Variants in RBFOX1 observed in about 807,000 individuals in gnomAD.
RBFOX1 encodes the protein RNA binding protein fox-1 homolog 1.
Under a neutral mutation model 57.7 loss-of-function variants are expected in RBFOX1, and 8 were observed. The observed-to-expected ratio is 0.14, with a 90% CI of 0.08 to 0.25. The LOEUF is 0.25. Among genes scored for constraint, RBFOX1 ranks in the 10% least tolerant of loss-of-function variants. The pLI is 1.00. For synonymous variants in RBFOX1, 326 were observed against 222.4 expected, an observed-to-expected ratio of 1.47 and a Z score of -4.15; for missense variants, 611 against 548.5, an observed-to-expected ratio of 1.11 and a Z score of -1.14.
At chr16:7,496,843 G>A (rs2068831510) in intron 4 of RBFOX1, among the ~76,000 whole-genome samples, 1 of 150,862 alleles carries the variant, frequency 6.6e-6, no homozygotes, top group African/African-American at 2.4e-5. Context: ...TTAAATACAA[G>A]TTTAAAAATT....
chr16:5,645,642 G>T (rs958841898), intron 3 of RBFOX1, among the ~76,000 whole-genome samples: 2 of 152,174 alleles, frequency 1.3e-5, no homozygotes, highest in Non-Finnish European at 2.9e-5. Flanking sequence ...GAAAGATTCT[G>T]TGTGTGCTTT....
intron 1 of RBFOX1, among the ~76,000 whole-genome samples, chr16:6,107,016 C>T (rs984700396): frequency 6.6e-6 from 1 of 152,182 alleles, no homozygotes; most frequent in Non-Finnish European, 1.5e-5. Flanking sequence ...CTGAAGAATG[C>T]CATTTAGAAC....
At chr16:5,880,093 G>T (rs951352261) in intron 4 of RBFOX1, among the ~76,000 whole-genome samples, 2 of 152,176 alleles carry the variant, frequency 1.3e-5, no homozygotes, top group African/African-American at 4.8e-5. Flanking sequence ...TCTCAGTTCT[G>T]TGCTTCACTG....
intron 3 of RBFOX1, among the ~76,000 whole-genome samples, chr16:6,936,062 G>A (rs180998205): frequency 7.2e-5 from 11 of 152,166 alleles, no homozygotes; most frequent in South Asian, 2.1e-4. Flanking sequence ...TTTTGCCTGC[G>A]TCAGGCTGAC....
At chr16:5,865,407 C>G (rs2057322417) in intron 3 of RBFOX1, among the ~76,000 whole-genome samples, 1 of 152,178 alleles carries the variant, frequency 6.6e-6, no homozygotes, top group African/African-American at 2.4e-5. Context: ...ATGAGTTTCC[C>G]CATGGCTGGG....
chr16:7,108,349 C>G (rs2063990375), intron 4 of RBFOX1, among the ~76,000 whole-genome samples: 1 of 152,140 alleles, frequency 6.6e-6, no homozygotes, highest in Admixed American at 6.6e-5. Context: ...ACAGCTTGTC[C>G]TTTGTTTGCT....
chr16:6,258,379 G>T (rs1042497160), intron 1 of RBFOX1, among the ~76,000 whole-genome samples: 7 of 152,120 alleles, frequency 4.6e-5, no homozygotes, highest in African/African-American at 1.7e-4. Flanking sequence ...AGTTCATTGT[G>T]TTTCTAAAAC....
At chr16:7,512,123 G>C (rs149256679) in intron 4 of RBFOX1, among the ~76,000 whole-genome samples, 182 of 152,234 alleles carry the variant, frequency 1.2e-3, no homozygotes, top group African/African-American at 4.2e-3. Flanking sequence ...TGGGGGTTTG[G>C]CATTGGAGTA....
chr16:6,179,874 C>G (rs905061169), intron 1 of RBFOX1, among the ~76,000 whole-genome samples: 2 of 152,142 alleles, frequency 1.3e-5, no homozygotes, highest in Non-Finnish European at 2.9e-5. Flanking sequence ...TGTAGATGCC[C>G]TTTATAAAGT....
At chr16:6,887,332 T>C (rs367856254) in intron 3 of RBFOX1, among the ~76,000 whole-genome samples, 4 of 152,258 alleles carry the variant, frequency 2.6e-5, no homozygotes, top group African/African-American at 7.2e-5. Flanking sequence ...CAGGATGGCA[T>C]TGAGTAAAGT....
intron 2 of RBFOX1, among the ~76,000 whole-genome samples, chr16:5,532,062 G>A (rs935898689): frequency 1.3e-5 from 2 of 152,198 alleles, no homozygotes; most frequent in Non-Finnish European, 2.9e-5. Flanking sequence ...ACCTCCCAAA[G>A]TGCTGGGATT....
intron 1 of RBFOX1, among the ~76,000 whole-genome samples, chr16:5,445,398 C>T (rs2068211643): frequency 1.3e-5 from 2 of 152,228 alleles, no homozygotes; most frequent in South Asian, 4.2e-4. Context: ...CTGTGAGCTC[C>T]CTAAGGGTGG....
At chr16:6,439,051 A>G (rs1482827871) in intron 2 of RBFOX1, among the ~76,000 whole-genome samples, 1 of 152,160 alleles carries the variant, frequency 6.6e-6, no homozygotes, top group Non-Finnish European at 1.5e-5. Context: ...AACTGACCCC[A>G]GTTGAAAATC....
At chr16:5,302,565 G>A (rs1317208287) in intron 1 of RBFOX1, among the ~76,000 whole-genome samples, 1 of 152,144 alleles carries the variant, frequency 6.6e-6, no homozygotes, top group South Asian at 2.1e-4. Flanking sequence ...CAATGAATTT[G>A]TCTTTCAATT....
chr16:6,042,798 C>T (rs1270435622), intron 1 of RBFOX1, among the ~76,000 whole-genome samples: 2 of 152,044 alleles, frequency 1.3e-5, no homozygotes, highest in Admixed American at 1.3e-4. Flanking sequence ...CAAAGAAAGG[C>T]AGGACATCTT....
intron 1 of RBFOX1, among the ~76,000 whole-genome samples, chr16:5,398,029 T>C (rs577386681): frequency 2.0e-5 from 3 of 152,004 alleles, no homozygotes; most frequent in East Asian, 1.9e-4. Context: ...AAGCATTTAA[T>C]TGAATTGTGG....
chr16:5,667,644 T>C (rs978573557), intron 3 of RBFOX1, among the ~76,000 whole-genome samples: 6 of 152,238 alleles, frequency 3.9e-5, no homozygotes, highest in Non-Finnish European at 7.3e-5. Context: ...CTTTGGATTT[T>C]CTTATTTTTC....
At chr16:6,173,232 G>A (rs2096975268) in intron 1 of RBFOX1, among the ~76,000 whole-genome samples, 1 of 152,244 alleles carries the variant, frequency 6.6e-6, no homozygotes, top group African/African-American at 2.4e-5. Context: ...GGTGGGGTAG[G>A]CATTGTTCTG....
chr16:7,274,957 T>G (rs2095412031), intron 4 of RBFOX1, among the ~76,000 whole-genome samples: 1 of 152,108 alleles, frequency 6.6e-6, no homozygotes, highest in Non-Finnish European at 1.5e-5. Flanking sequence ...GTGCTGGAAT[T>G]AGAGGTGTGA....
Sources: allele counts gnomAD v4.1 joint callset (sites outside exome capture counted in the v4.1 genomes callset), GRCh38; gene constraint gnomAD v4.1.1; transcripts MANE v1.5; gene names NCBI Gene and HGNC (gene_info 2026-07-23, HGNC 2026-07-21).